ANK2: variants seen among roughly 807,000 people sequenced by gnomAD.
The protein encoded by ANK2 is ankyrin-2.
ANK2 carries 83 observed loss-of-function variants against 360.5 expected under a neutral mutation model. The ratio of observed to expected loss-of-function variants is 0.23; its 90% confidence interval spans 0.19 to 0.28. The LOEUF is 0.28. Among genes scored for constraint, ANK2 ranks in the 10% least tolerant of loss-of-function variants. The pLI is 1.00. For missense variants in ANK2, 4,201 were observed against 4,795.7 expected, an observed-to-expected ratio of 0.88 and a Z score of 3.66; for synonymous variants, 1,740 against 1,759.5, an observed-to-expected ratio of 0.99 and a Z score of 0.28.
chr4:113,250,997 G>T (rs1415478511), intron 10 of ANK2, among the ~76,000 whole-genome samples: 3 of 151,904 alleles, frequency 2.0e-5, no homozygotes, highest in Non-Finnish European at 4.4e-5. Context: ...AATTATCCGC[G>T]TTACTTTTAT....
Position 113,292,460 on chromosome 4 carries a change from G to A in ANK2, c.2322G>A (p.Thr774=), listed in dbSNP as rs754241960. The change falls in exon 21 of 46, where the codon ACG becomes ACA. Residue 774 remains threonine (T), a synonymous_variant. Transcript: ENST00000357077. ...PLHQAAQQGH[T]HIINVLLQHG... ...ACCAGGCCGCTCAGCAGGGTCACAC[G>A]CACATCATCAACGTCCTGCTCCAGC... 2.5e-6 allele frequency: 4 copies of A among 1,611,572 alleles called. No individual in the cohort carries two copies. The highest frequency in any genetic ancestry group is 2.7e-5 in the African/African-American group (2 of 74,842).
intron 1 of ANK2, among the ~76,000 whole-genome samples, chr4:112,840,395 G>A (rs771793986): frequency 6.6e-6 from 1 of 152,154 alleles, no homozygotes; most frequent in Non-Finnish European, 1.5e-5. Flanking sequence ...TGGCTTGAAG[G>A]TTCCTCTGGA....
the ANK2 span, among the ~76,000 whole-genome samples, chr4:112,742,546 A>G: frequency 6.6e-6 from 1 of 152,088 alleles, no homozygotes; most frequent in African/African-American, 2.4e-5. Flanking sequence ...ATTTTAGACA[A>G]TGGTTATCCA....
At chr4:113,248,052 T>C (rs1041814693) in intron 9 of ANK2, among the ~76,000 whole-genome samples, 9 of 152,194 alleles carry the variant, frequency 5.9e-5, no homozygotes, top group Admixed American at 5.2e-4. Context: ...AAATACTTTT[T>C]TTCTGAGAAG....
intron 37 of ANK2, among the ~76,000 whole-genome samples, chr4:113,352,366 G>A (rs2095466772): frequency 6.6e-6 from 1 of 152,142 alleles, no homozygotes; most frequent in Non-Finnish European, 1.5e-5. Context: ...GTTGCTCCAA[G>A]GAAAGGACCA....
chr4:113,176,027 A>G (rs537251406), intron 2 of ANK2, among the ~76,000 whole-genome samples: 2 of 152,318 alleles, frequency 1.3e-5, no homozygotes, highest in East Asian at 1.9e-4. Context: ...GCAGTGAGCA[A>G]CCTTGAGGGA....
At chr4:113,156,304 AATAT>A (rs2097287098) in intron 1 of ANK2, among the ~76,000 whole-genome samples, 2 of 16,432 alleles carry the variant, frequency 1.2e-4, no homozygotes, top group Non-Finnish European at 2.3e-4. Context: ...AGTAAAACAG[AATAT>A]TATTATTTCA....
At position 113,174,494 on chromosome 4, in the gene ANK2, A is replaced by C; in HGVS notation, c.163A>C (p.Ile55Leu). Residue 55 changes from isoleucine (I) to leucine (L), a missense_variant, in exon 2 of 46, where the codon ATA becomes CTA. Physicochemically the swap from Ile to Leu is conservative, Grantham distance 5. This residue lies in a region of ANK2 where 169 missense variants were observed against 191.1 expected (regional missense o/e 0.88). Transcript: ENST00000357077. The stretch of plus-strand genomic sequence containing the variant: ...AGTTGTGGAATATCTGAAGGGGGGC[A>C]TAGACATCAATACCTGCAATCAGGT... ...DKVVEYLKGG[I>L]DINTCNQNGL... 6.2e-7 allele frequency: 1 copy of C among 1,612,268 alleles called. No homozygotes were observed. Among genetic ancestry groups the C allele is most frequent in the Non-Finnish European group, 8.5e-7 (1 of 1,178,874 alleles).
chr4:112,779,376 G>A, the ANK2 span, among the ~76,000 whole-genome samples: 3 of 152,214 alleles, frequency 2.0e-5, no homozygotes, highest in Admixed American at 6.5e-5. Context: ...AAAATTAGCC[G>A]GGCGTGGTGA....
chr4:113,338,217 T>C (rs1267025492), intron 31 of ANK2, among the ~76,000 whole-genome samples: 1 of 152,196 alleles, frequency 6.6e-6, no homozygotes, highest in Admixed American at 6.5e-5. Flanking sequence ...TAAGAAACTT[T>C]AGAGTCAAGA....
intron 13 of ANK2, among the ~76,000 whole-genome samples, chr4:113,261,334 A>G (rs1423394359): frequency 6.6e-6 from 1 of 152,204 alleles, no homozygotes; most frequent in Non-Finnish European, 1.5e-5. Context: ...TTTAACAACT[A>G]TCAAGAAAGA....
At chr4:112,833,650 C>G (rs960528343) in intron 1 of ANK2, among the ~76,000 whole-genome samples, 2 of 152,090 alleles carry the variant, frequency 1.3e-5, no homozygotes, top group Non-Finnish European at 2.9e-5. Flanking sequence ...ACCACAGGCG[C>G]CCGACACCAC....
intron 33 of ANK2, among the ~76,000 whole-genome samples, chr4:113,342,532 C>T (rs2094416137): frequency 6.6e-6 from 1 of 152,056 alleles, no homozygotes; most frequent in South Asian, 2.1e-4. Context: ...AAAACCCTAT[C>T]TCTACTAAAA....
chr4:112,777,979 T>C, the ANK2 span, among the ~76,000 whole-genome samples: 1 of 151,146 alleles, frequency 6.6e-6, no homozygotes, highest in African/African-American at 2.4e-5. Flanking sequence ...TTCTTTCTTT[T>C]TTTTTTTGAG....
intron 29 of ANK2, 79 bp downstream of exon 29, chr4:113,333,287 G>GGTGTGTGTTTGTGTGTGT: frequency 6.7e-7 from 1 of 1,489,144 alleles, no homozygotes. Context: ...ATGACCTAGG[G>GGTGTGTGTTTGTGTGTGT]GTGTGTGTAT....
intron 1 of ANK2, among the ~76,000 whole-genome samples, chr4:112,874,733 C>G (rs2074456147): frequency 6.6e-6 from 1 of 151,078 alleles, no homozygotes; most frequent in Non-Finnish European, 1.5e-5. Flanking sequence ...GGAAATGACT[C>G]TGGATAAAAA....
Position 113,177,149 on chromosome 4 carries a change from G to A in ANK2, c.186+2632G>A, listed in dbSNP as rs889301414. On this transcript the variant is annotated intron_variant, in intron 2 of 45. Transcript: ENST00000357077. ...GGCTGGAGTGCGGTGGCGTGATCTCGGCTCACTGCAGGCTTCGTCCCCTGG... is the reference window on the plus strand; with the variant it reads ...GGCTGGAGTGCGGTGGCGTGATCTCAGCTCACTGCAGGCTTCGTCCCCTGG... Among the ~76,000 whole-genome samples the A allele has an allele frequency of 3.9e-5, 6 of 152,174 alleles. No homozygotes were observed. The East Asian group carries it at 5.8e-4, about 15-fold the overall frequency.
intron 2 of ANK2, among the ~76,000 whole-genome samples, chr4:112,969,209 A>T (rs2038522951): frequency 6.6e-6 from 1 of 152,210 alleles, no homozygotes; most frequent in Non-Finnish European, 1.5e-5. Flanking sequence ...TTGAATCCAC[A>T]CTAACTCTGT....
rs749927183 is a variant in ANK2 at position 113,358,542 on chromosome 4, T to C, written c.9924T>C (p.Thr3308=). The change falls in exon 38 of 46, where the codon ACT becomes ACC. Residue 3308 remains threonine (T), a synonymous_variant. Coordinates refer to ENST00000357077, the MANE Select transcript of ANK2 (RefSeq NM_001148.6). Reference sequence around the variant, plus strand: ...GCAAATCCAAAATTCCTGTAAGGACTATGCCCACTTCCACCCCAGCACCTC... The same window carrying C: ...GCAAATCCAAAATTCCTGTAAGGACCATGCCCACTTCCACCCCAGCACCTC... ...TESKSKIPVR[T]MPTSTPAPPS... 6.2e-7 allele frequency: 1 copy of C among 1,614,090 alleles called. No homozygotes were observed. The highest frequency in any genetic ancestry group is 8.5e-7 in the Non-Finnish European group (1 of 1,179,964).
Sources: allele counts gnomAD v4.1 joint callset (sites outside exome capture counted in the v4.1 genomes callset), GRCh38; gene constraint gnomAD v4.1.1; regional missense constraint gnomAD v4.1.1; transcripts MANE v1.5; gene names NCBI Gene and HGNC (gene_info 2026-07-23, HGNC 2026-07-21).